The following MGAT5 variants were observed in gnomAD, a reference collection of about 807,000 sequenced individuals.
MGAT5 encodes alpha-1,6-mannosylglycoprotein 6-beta-N-acetylglucosaminyltransferase.
In MGAT5, 30 loss-of-function variants were observed where a neutral mutation model predicts 94.3. That is an observed-to-expected ratio of 0.32 (90% confidence interval 0.24 to 0.43). The LOEUF is 0.43. Among genes scored for constraint, MGAT5 ranks in the 20% least tolerant of loss-of-function variants. The probability of loss-of-function intolerance (pLI) is 1.00; values close to 1 mark genes in which losing one functional copy is unlikely to be tolerated. For synonymous variants in MGAT5, 310 were observed against 322.9 expected (o/e 0.96, Z 0.43); for missense variants, 691 against 905.5 (o/e 0.76, Z 3.04).
At chr2:134,429,666 A>C (rs1025443964) in intron 14 of MGAT5, among the ~76,000 whole-genome samples, 16 of 152,352 alleles carry the variant, frequency 1.1e-4, no homozygotes, top group African/African-American at 3.6e-4. Context: ...TATTTAATAC[A>C]TTATGCTATA....
intron 11 of MGAT5, among the ~76,000 whole-genome samples, chr2:134,410,279 C>T (rs1433279391): frequency 1.3e-5 from 2 of 152,214 alleles, no homozygotes; most frequent in African/African-American, 4.8e-5. Flanking sequence ...ATTCAAACCT[C>T]AGATGTGCTA....
intron 2 of MGAT5, among the ~76,000 whole-genome samples, chr2:134,283,645 CTTTTT>C (rs35922830): frequency 1.4e-5 from 1 of 69,086 alleles, no homozygotes; most frequent in Non-Finnish European, 2.5e-5. Flanking sequence ...AATGTAGTAT[CTTTTT>C]TTTTTTTTTT....
chr2:134,265,357 C>A (rs1683645752), intron 1 of MGAT5, among the ~76,000 whole-genome samples: 1 of 152,182 alleles, frequency 6.6e-6, no homozygotes, highest in Non-Finnish European at 1.5e-5. Context: ...GTGTGACTTG[C>A]AGTTATAGCT....
At chr2:134,348,615 G>A (rs941544487) in intron 8 of MGAT5, among the ~76,000 whole-genome samples, 2 of 152,144 alleles carry the variant, frequency 1.3e-5, no homozygotes, top group African/African-American at 4.8e-5. Context: ...AAAAAACTGA[G>A]CCAGATTTTT....
At chr2:134,335,577 C>G (rs760872956) in intron 4 of MGAT5, among the ~76,000 whole-genome samples, 5 of 152,082 alleles carry the variant, frequency 3.3e-5, no homozygotes, top group African/African-American at 4.8e-5. Flanking sequence ...AATCCATCTT[C>G]CAGATTGGCT....
chr2:134,175,582 C>T (rs933271005), intron 1 of MGAT5, among the ~76,000 whole-genome samples: 4 of 152,156 alleles, frequency 2.6e-5, no homozygotes, highest in Non-Finnish European at 4.4e-5. Flanking sequence ...AGAGAGAATC[C>T]CCTTCCTCTT....
chr2:134,345,925 T>G (rs1239936118), intron 8 of MGAT5, among the ~76,000 whole-genome samples: 2 of 152,188 alleles, frequency 1.3e-5, no homozygotes, highest in African/African-American at 4.8e-5. Context: ...TGGGTTTTAT[T>G]TATGGTCTTT....
At chr2:134,410,436 G>A (rs1267362875) in intron 11 of MGAT5, among the ~76,000 whole-genome samples, 1 of 152,208 alleles carries the variant, frequency 6.6e-6, no homozygotes, top group Admixed American at 6.5e-5. Flanking sequence ...CTAATTGTGT[G>A]ACAGAAAAAC....
intron 2 of MGAT5, among the ~76,000 whole-genome samples, chr2:134,302,716 C>CTG (rs3034344): frequency 0.02 from 2,704 of 133,598 alleles, 52 homozygotes; most frequent in African/African-American, 0.054. Flanking sequence ...TTAAGAAATG[C>CTG]TGTGTGTGTG....
intron 1 of MGAT5, among the ~76,000 whole-genome samples, chr2:134,186,413 C>T (rs367574460): frequency 1.8e-4 from 27 of 151,352 alleles, no homozygotes; most frequent in African/African-American, 5.8e-4. Context: ...TTCTGCCCAC[C>T]CATTTACTGG....
chr2:134,385,102 T>C (rs960161250), intron 10 of MGAT5, among the ~76,000 whole-genome samples: 4 of 152,206 alleles, frequency 2.6e-5, no homozygotes, highest in African/African-American at 4.8e-5. Flanking sequence ...ATGTATCTTA[T>C]ATTAAGCTGC....
At position 134,435,195 on chromosome 2, in the gene MGAT5, A is replaced by T. The variant is rs1314373847; in HGVS notation, c.1870-6563A>T. Among the ~76,000 whole-genome samples, 3 of 152,162 alleles carry T rather than the reference A, an allele frequency of 2.0e-5. No homozygotes were observed. The East Asian group carries it at 5.8e-4, about 29-fold the overall frequency. On this transcript the variant is annotated intron_variant, in intron 14 of 15. Transcript: ENST00000281923. ...CTTCATGGAAAAGCTAGAGCATTCAATTAGACCCCAAAGATCTGACTCCCA... is the reference window on the plus strand; with the variant it reads ...CTTCATGGAAAAGCTAGAGCATTCATTTAGACCCCAAAGATCTGACTCCCA...
chr2:134,237,618 A>T (rs1681714374), intron 1 of MGAT5, among the ~76,000 whole-genome samples: 1 of 136,890 alleles, frequency 7.3e-6, no homozygotes, highest in South Asian at 2.7e-4. Context: ...TAAATGATTT[A>T]ATTCTTTTTT....
intron 14 of MGAT5, among the ~76,000 whole-genome samples, chr2:134,434,370 C>T (rs1460661941): frequency 6.6e-6 from 1 of 152,180 alleles, no homozygotes; most frequent in African/African-American, 2.4e-5. Context: ...ATGACTACTG[C>T]ATGGAAATTT....
At position 134,317,581 on chromosome 2, in the gene MGAT5, C is replaced by T; in HGVS notation, c.459C>T (p.Tyr153=). The T allele has an allele frequency of 6.4e-7, 1 of 1,570,238 alleles. No individual in the cohort carries two copies. Among genetic ancestry groups the T allele is most frequent in the Non-Finnish European group, 8.6e-7 (1 of 1,160,112 alleles). The change falls in exon 3 of 16, where the codon TAC becomes TAT. Residue 153 remains tyrosine (Y), a synonymous_variant. Coordinates refer to ENST00000281923, the MANE Select transcript of MGAT5 (RefSeq NM_002410.5). The stretch of plus-strand genomic sequence containing the variant: ...GTGTATTGCCTCCTATGGACGGCTA[C>T]CCTCACTGTGAGGGAAAGATCAAGG... ...EKCVLPPMDG[Y]PHCEGKIKWM...
At chr2:134,351,870 A>G (rs1384233229) in intron 9 of MGAT5, among the ~76,000 whole-genome samples, 1 of 152,216 alleles carries the variant, frequency 6.6e-6, no homozygotes, top group Non-Finnish European at 1.5e-5. Flanking sequence ...AAAAAGTTCC[A>G]TGTTCCAACG....
At chr2:134,329,153 A>C (rs981373533) in intron 4 of MGAT5, among the ~76,000 whole-genome samples, 3 of 152,110 alleles carry the variant, frequency 2.0e-5, no homozygotes, top group African/African-American at 7.2e-5. Flanking sequence ...TGGCAACCCC[A>C]CTGAGGTAGG....
intron 1 of MGAT5, among the ~76,000 whole-genome samples, chr2:134,122,536 C>T (rs1236133327): frequency 1.3e-5 from 2 of 152,098 alleles, no homozygotes; most frequent in Non-Finnish European, 2.9e-5. Flanking sequence ...CTGGAGAGGC[C>T]CTGAAAAGCA....
chr2:134,339,039 T>C (rs1688488531), intron 6 of MGAT5, among the ~76,000 whole-genome samples: 1 of 152,174 alleles, frequency 6.6e-6, no homozygotes, highest in Admixed American at 6.6e-5. Flanking sequence ...GCAAAGTGAG[T>C]AATTTGCTCC....
Sources: allele counts gnomAD v4.1 joint callset (sites outside exome capture counted in the v4.1 genomes callset), GRCh38; gene constraint gnomAD v4.1.1; transcripts MANE v1.5; gene names NCBI Gene and HGNC (gene_info 2026-07-23, HGNC 2026-07-21).